SERPINB7: variants seen among roughly 807,000 people sequenced by gnomAD.
SERPINB7 encodes the protein serpin B7.
In SERPINB7, 31 loss-of-function variants were observed where a neutral mutation model predicts 37.4. The observed-to-expected ratio is 0.83, with a 90% CI of 0.62 to 1.12. The LOEUF (loss-of-function observed/expected upper bound fraction) is 1.12. Ranked by LOEUF, SERPINB7 falls within the 50% of genes most tolerant of loss-of-function variation. The pLI, the probability that SERPINB7 is intolerant of heterozygous loss-of-function variation, is 0.00. For synonymous variants in SERPINB7, 163 were observed against 166.1 expected (o/e 0.98, Z 0.14); for missense variants, 521 against 455.3 (o/e 1.14, Z -1.31).
chr18:63,801,641 T>C (rs1045598537), intron 7 of SERPINB7, among the ~76,000 whole-genome samples: 1 of 152,032 alleles, frequency 6.6e-6, no homozygotes, highest in African/African-American at 2.4e-5. Context: ...TGAGCACTGT[T>C]GATTGGGTGG....
intron 1 of SERPINB7, among the ~76,000 whole-genome samples, chr18:63,769,571 T>G (rs2049198674): frequency 6.6e-6 from 1 of 152,166 alleles, no homozygotes; most frequent in African/African-American, 2.4e-5. Context: ...AATGAGACTC[T>G]GGTTCCTGTT....
chr18:63,767,902 A>G (rs73469961), intron 1 of SERPINB7, among the ~76,000 whole-genome samples: 5,477 of 152,040 alleles, frequency 0.036, 191 homozygotes, highest in African/African-American at 0.083. Flanking sequence ...GTAGTTTGAG[A>G]TTTTCCACAG....
intron 1 of SERPINB7, chr18:63,777,791 A>G (rs1052212453): frequency 6.6e-6 from 1 of 152,254 alleles, no homozygotes; most frequent in African/African-American, 2.4e-5. Flanking sequence ...AGACTCACCC[A>G]ACCAGCGGCC....
chr18:63,760,417 G>A (rs80069788), intron 1 of SERPINB7, among the ~76,000 whole-genome samples: 5 of 152,284 alleles, frequency 3.3e-5, no homozygotes, highest in African/African-American at 9.6e-5. Context: ...CAAAAAGTTT[G>A]GAAAATTTGC....
intron 5 of SERPINB7, 92 bp from the exon 6 acceptor site, chr18:63,798,509 TAAG>T: frequency 1.1e-6 from 1 of 943,246 alleles, no homozygotes; most frequent in African/African-American, 1.7e-5. Context: ...TATTATGTGT[TAAG>T]AAAAAAACTT....
At chr18:63,793,851 T>C (rs1228075003) in intron 4 of SERPINB7, among the ~76,000 whole-genome samples, 3 of 152,140 alleles carry the variant, frequency 2.0e-5, no homozygotes, top group African/African-American at 7.2e-5. Flanking sequence ...TTTAAGGACA[T>C]AGACAAGTCT....
At chr18:63,771,198 G>A (rs140370308), upstream of SERPINB7, among the ~76,000 whole-genome samples, 93 of 152,198 alleles carry the variant, frequency 6.1e-4, no homozygotes, top group Middle Eastern at 3.4e-3. Flanking sequence ...AGTTGCTGAT[G>A]TGAGTGAAAG....
chr18:63,764,855 GAAAA>G lies in SERPINB7; in HGVS notation c.-19+11736_-19+11739del, dbSNP rs747267635. Among the ~76,000 whole-genome samples, 21 of 152,092 alleles carry G rather than the reference GAAAA, an allele frequency of 1.4e-4. No homozygotes were observed. In the South Asian group the frequency reaches 4.4e-3, roughly 32 times the overall value. On this transcript the variant is annotated intron_variant, in intron 1 of 7. Transcript: ENST00000336429. ...CATATCTAAAGACTACAGAAGGCAA[GAAAA>G]TAAAACAAAATCAACTACCAGAAGA... is the stretch of plus-strand genomic sequence containing the variant.
rs544328474 is a variant in SERPINB7, at chr18:63,786,389, G to A, written c.168+3849G>A. 2.3e-4 allele frequency among the ~76,000 whole-genome samples: 35 copies of A among 150,608 alleles called. No homozygotes were observed. The East Asian group carries it at 5.0e-3, about 22-fold the overall frequency. On this transcript the variant is annotated intron_variant, in intron 2 of 7. Coordinates refer to ENST00000398019, the MANE Select transcript of SERPINB7 (RefSeq NM_003784.4). ...TTGAAATACATTATGAAATATATACGTATACACACACGCATATATATATTT... is the reference window on the plus strand; with the variant it reads ...TTGAAATACATTATGAAATATATACATATACACACACGCATATATATATTT...
At chr18:63,756,262 G>A (rs2049121545) in intron 1 of SERPINB7, among the ~76,000 whole-genome samples, 2 of 152,088 alleles carry the variant, frequency 1.3e-5, no homozygotes, top group South Asian at 4.1e-4. Context: ...TCTTCCACAT[G>A]TTTTTACCTG....
rs1018771532 is a variant in SERPINB7 at position 63,805,180 on chromosome 18, A to G, written c.*545A>G. On this transcript the variant is annotated 3_prime_UTR_variant, in exon 8 of 8. Transcript: ENST00000398019. ...AATGTGAAATTGGGATTAGGGACCA[A>G]CCAAAATATTTCATTAATGCTTTCA... is the stretch of plus-strand genomic sequence containing the variant. 2 of 152,550 alleles carry G rather than the reference A, an allele frequency of 1.3e-5. No individual in the cohort carries two copies. Among genetic ancestry groups the G allele is most frequent in the African/African-American group, 4.8e-5 (2 of 41,562 alleles). 9.4% of individuals were successfully genotyped at this position (152,550 alleles called of 1,614,324 possible).
At chr18:63,761,138 G>A (rs142993709) in intron 1 of SERPINB7, among the ~76,000 whole-genome samples, 4,176 of 152,322 alleles carry the variant, frequency 0.027, 61 homozygotes, top group Non-Finnish European at 0.044. Flanking sequence ...AAGCCACAGG[G>A]GCAGAGCTGT....
At chr18:63,778,973 A>AT (rs2049276838) in intron 1 of SERPINB7, among the ~76,000 whole-genome samples, 1 of 152,200 alleles carries the variant, frequency 6.6e-6, no homozygotes, top group Non-Finnish European at 1.5e-5. Context: ...GTATATTTTT[A>AT]GCAAAATGAA....
chr18:63,784,525 T>C (rs1425950175), intron 2 of SERPINB7, among the ~76,000 whole-genome samples: 1 of 152,196 alleles, frequency 6.6e-6, no homozygotes, highest in Non-Finnish European at 1.5e-5. Flanking sequence ...GATAAATAAA[T>C]ATAAAGCCCT....
intron 1 of SERPINB7, among the ~76,000 whole-genome samples, chr18:63,767,582 C>G (rs537489876): frequency 1.3e-5 from 2 of 152,230 alleles, no homozygotes; most frequent in Admixed American, 6.5e-5. Context: ...TAATATTGAA[C>G]CAGCCTTGCA....
chr18:63,753,375 T>C (rs1219035714), intron 1 of SERPINB7, among the ~76,000 whole-genome samples: 2 of 152,172 alleles, frequency 1.3e-5, no homozygotes, highest in African/African-American at 4.8e-5. Flanking sequence ...CGGCCGCATC[T>C]ATAACATTGG....
At chr18:63,772,987 G>A (rs766826042), upstream of SERPINB7, among the ~76,000 whole-genome samples, 1 of 152,210 alleles carries the variant, frequency 6.6e-6, no homozygotes, top group African/African-American at 2.4e-5. Context: ...AAGAGAATCA[G>A]AAGAAGGAGG....
chr18:63,801,038 A>G (rs1263263546), intron 7 of SERPINB7, 26 bp downstream of exon 7: 3 of 1,608,020 alleles, frequency 1.9e-6, no homozygotes, highest in Non-Finnish European at 2.5e-6. Flanking sequence ...CATTTTCACT[A>G]TTGGGAAATA....
At position 63,770,181 on chromosome 18, in the gene SERPINB7, A is replaced by G. The variant is rs115406417; in HGVS notation, c.-18-12174A>G. 2.7e-3 allele frequency among the ~76,000 whole-genome samples: 413 copies of G among 150,762 alleles called. 3 individuals carry two copies. The highest frequency in any genetic ancestry group is 9.2e-3 in the African/African-American group (379 of 41,052). On this transcript the variant is annotated intron_variant, in intron 1 of 7. Coordinates refer to the SERPINB7 transcript ENST00000336429. ...GGCATCTGCTTGTAGTGGGGTTATT[A>G]TCATCCAAAGGATTCTTCTTCTTTC...
Sources: allele counts gnomAD v4.1 joint callset (sites outside exome capture counted in the v4.1 genomes callset), GRCh38; gene constraint gnomAD v4.1.1; transcripts MANE v1.5; gene names NCBI Gene and HGNC (gene_info 2026-07-23, HGNC 2026-07-21).